Variants in THSD7A observed in about 807,000 individuals in gnomAD.
THSD7A encodes thrombospondin type 1 domain containing 7A.
A neutral mutation model predicts 231.3 loss-of-function variants in THSD7A; 96 were observed. The ratio of observed to expected loss-of-function variants is 0.41; its 90% CI spans 0.35 to 0.49. The LOEUF is 0.49. Among genes scored for constraint, THSD7A ranks in the 20% least tolerant of loss-of-function variants. The pLI is 0.05. For synonymous variants in THSD7A, 940 were observed against 743.3 expected (o/e 1.26, Z -4.30); for missense variants, 2,290 against 2,070.2 (o/e 1.11, Z -2.06).
At chr7:11,781,854 G>A (rs897501489) in intron 1 of THSD7A, among the ~76,000 whole-genome samples, 11 of 152,146 alleles carry the variant, frequency 7.2e-5, no homozygotes, top group Non-Finnish European at 1.5e-5. Flanking sequence ...AGAAAAAAGT[G>A]CATTTTTTTT....
At chr7:11,464,076 C>A (rs183227178) in intron 9 of THSD7A, among the ~76,000 whole-genome samples, 5 of 152,064 alleles carry the variant, frequency 3.3e-5, no homozygotes, top group Non-Finnish European at 7.4e-5. Flanking sequence ...TTCCTTCTAC[C>A]CCCTTCCTAT....
At chr7:11,469,488 A>C (rs919125888) in intron 9 of THSD7A, among the ~76,000 whole-genome samples, 2 of 152,072 alleles carry the variant, frequency 1.3e-5, no homozygotes, top group African/African-American at 4.8e-5. Flanking sequence ...TCTGTAGCAA[A>C]TCTGGTCCCA....
intron 4 of THSD7A, among the ~76,000 whole-genome samples, chr7:11,559,432 A>C (rs1254830990): frequency 6.6e-6 from 1 of 152,114 alleles, no homozygotes; most frequent in Non-Finnish European, 1.5e-5. Flanking sequence ...ATTCTTAGGA[A>C]GGTAAATACA....
At chr7:11,566,291 T>G (rs1467048252) in intron 4 of THSD7A, among the ~76,000 whole-genome samples, 1 of 152,222 alleles carries the variant, frequency 6.6e-6, no homozygotes, top group African/African-American at 2.4e-5. Flanking sequence ...TCTCCATTAC[T>G]GGGGTTTGGG....
At chr7:11,570,008 C>CA (rs1790553054) in intron 4 of THSD7A, among the ~76,000 whole-genome samples, 1 of 151,822 alleles carries the variant, frequency 6.6e-6, no homozygotes, top group Admixed American at 6.6e-5. Flanking sequence ...CCCCTCTCTA[C>CA]AAAAAGTACA....
chr7:11,429,643 C>A (rs557602524), intron 13 of THSD7A, among the ~76,000 whole-genome samples: 1 of 152,298 alleles, frequency 6.6e-6, no homozygotes, highest in South Asian at 2.1e-4. Flanking sequence ...AAGAAAAATG[C>A]AGGATGTTAA....
At chr7:11,584,990 A>C (rs1203997170) in intron 4 of THSD7A, among the ~76,000 whole-genome samples, 1 of 152,218 alleles carries the variant, frequency 6.6e-6, no homozygotes, top group Non-Finnish European at 1.5e-5. Context: ...CCATTTTATA[A>C]AGGGAACAGT....
intron 1 of THSD7A, among the ~76,000 whole-genome samples, chr7:11,815,083 C>CAAAAAA (rs71027433): frequency 6.8e-6 from 1 of 147,360 alleles, no homozygotes; most frequent in Non-Finnish European, 1.5e-5. Flanking sequence ...CCCTAAAACT[C>CAAAAAA]AAAAAAAAAA....
intron 1 of THSD7A, among the ~76,000 whole-genome samples, chr7:11,640,843 T>C (rs1782051679): frequency 6.6e-6 from 1 of 152,222 alleles, no homozygotes; most frequent in East Asian, 1.9e-4. Flanking sequence ...ACACCATGAA[T>C]CAAATGTTCT....
chr7:11,629,784 T>G (rs187457590), intron 2 of THSD7A, among the ~76,000 whole-genome samples: 101 of 152,296 alleles, frequency 6.6e-4, no homozygotes, highest in African/African-American at 2.4e-3. Context: ...GAAAATTAAT[T>G]AACTCTCTGC....
intron 4 of THSD7A, among the ~76,000 whole-genome samples, chr7:11,575,890 GT>G (rs1328893580): frequency 1.3e-5 from 2 of 152,168 alleles, no homozygotes; most frequent in African/African-American, 4.8e-5. Flanking sequence ...ATGTTAATAA[GT>G]TGTAATTCAA....
At chr7:11,684,241 A>G (rs1310850171) in intron 1 of THSD7A, among the ~76,000 whole-genome samples, 1 of 151,950 alleles carries the variant, frequency 6.6e-6, no homozygotes, top group Non-Finnish European at 1.5e-5. Flanking sequence ...TCTCAAAATA[A>G]TAAGTCCCAT....
At chr7:11,576,027 C>T (rs12699246) in intron 4 of THSD7A, among the ~76,000 whole-genome samples, 28,854 of 151,998 alleles carry the variant, frequency 0.19, 2,837 homozygotes, top group East Asian at 0.24. Context: ...GCAAATTTCA[C>T]GGTTAATGCA....
chr7:11,646,483 TTG>T (rs1321958334), intron 1 of THSD7A, among the ~76,000 whole-genome samples: 1 of 151,980 alleles, frequency 6.6e-6, no homozygotes, highest in Non-Finnish European at 1.5e-5. Flanking sequence ...ATGCATATGT[TTG>T]TGAGTGTTTA....
intron 1 of THSD7A, among the ~76,000 whole-genome samples, chr7:11,812,595 C>A (rs1257519984): frequency 6.6e-6 from 1 of 152,122 alleles, no homozygotes; most frequent in African/African-American, 2.4e-5. Flanking sequence ...CGTCTGTAAT[C>A]ATTTACTCTA....
rs1583630995 is a variant in THSD7A at position 11,377,801 on chromosome 7, T to C, written c.4802-1144A>G. 1.3e-5 allele frequency: 2 copies of C among 152,220 alleles called. No homozygotes were observed. The highest frequency in any genetic ancestry group is 6.6e-5 in the Admixed American group (1 of 15,262). 9.4% of individuals were successfully genotyped at this position (152,220 alleles called of 1,614,324 possible). ...TTTCAGAACATGCACCTTTTAAATATTTTAAAATTTTAACTTTGGGGAAAC... is the reference window on the plus strand; with the variant it reads ...TTTCAGAACATGCACCTTTTAAATACTTTAAAATTTTAACTTTGGGGAAAC... On this transcript the variant is annotated intron_variant, in intron 26 of 27. Coordinates refer to ENST00000423059, the MANE Select transcript of THSD7A (RefSeq NM_015204.3). The surrounding 1 kb of genome is among the most constrained non-coding windows in gnomAD (Gnocchi z 4.5).
At chr7:11,751,518 G>T (rs536155656) in intron 1 of THSD7A, among the ~76,000 whole-genome samples, 6 of 151,976 alleles carry the variant, frequency 3.9e-5, no homozygotes, top group Admixed American at 2.6e-4. Flanking sequence ...CCATGATCTG[G>T]CATATAAAGA....
chr7:11,628,685 A>T (rs1781553364), intron 2 of THSD7A, among the ~76,000 whole-genome samples: 2 of 152,206 alleles, frequency 1.3e-5, no homozygotes, highest in Non-Finnish European at 2.9e-5. Context: ...TGAATATTCT[A>T]GTGCCCAGAA....
In THSD7A at chr7:11,464,603, C is replaced by A. The variant is rs1785627924; in HGVS notation, c.2369-2460G>T. 3.3e-5 allele frequency among the ~76,000 whole-genome samples: 5 copies of A among 152,236 alleles called. No homozygotes were observed. The South Asian group carries it at 1.0e-3, about 32-fold the overall frequency. On this transcript the variant is annotated intron_variant, in intron 9 of 27. Transcript: ENST00000423059. ...TAATGCCTTCTCATCACAAACTCCA[C>A]AAATTAGTACTAGATATATAAGACT...
Sources: gnomAD v4.1 joint callset for allele counts (sites outside exome capture counted in the v4.1 genomes callset) on GRCh38, gnomAD v4.1.1 for gene constraint, Gnocchi (gnomAD v3.1) non-coding constraint, MANE v1.5 for transcripts, NCBI Gene and HGNC (gene_info 2026-07-23, HGNC 2026-07-21) for gene names.